PTPRZ1: variants seen among roughly 807,000 people sequenced by gnomAD.
PTPRZ1 encodes protein tyrosine phosphatase receptor type Z1.
A neutral mutation model predicts 214.1 loss-of-function variants in PTPRZ1; 82 were observed. That is an observed-to-expected ratio of 0.38 (90% CI 0.32 to 0.46). The LOEUF (loss-of-function observed/expected upper bound fraction) is 0.46. Ranked by LOEUF, PTPRZ1 falls within the 20% of genes least tolerant of loss-of-function variation. The pLI is 1.00. For missense variants in PTPRZ1, 2,603 were observed against 2,748.7 expected (o/e 0.95, Z 1.19); for synonymous variants, 945 against 987.9 (o/e 0.96, Z 0.81).
chr7:121,874,659 GA>G (rs1316655439), intron 1 of PTPRZ1, among the ~76,000 whole-genome samples: 2 of 152,144 alleles, frequency 1.3e-5, no homozygotes, highest in African/African-American at 4.8e-5. Context: ...TCTAATAAAT[GA>G]AAATTACATT....
At chr7:122,045,361 T>C (rs897148169) in intron 23 of PTPRZ1, among the ~76,000 whole-genome samples, 1 of 151,990 alleles carries the variant, frequency 6.6e-6, no homozygotes, top group Non-Finnish European at 1.5e-5. Context: ...CCCAGGAGAG[T>C]TAACAAATGT....
At chr7:121,930,173 C>G (rs1256389099) in intron 2 of PTPRZ1, among the ~76,000 whole-genome samples, 1 of 152,024 alleles carries the variant, frequency 6.6e-6, no homozygotes, top group East Asian at 1.9e-4. Context: ...AGGCACATCT[C>G]GACTGTGGAG....
intron 1 of PTPRZ1, among the ~76,000 whole-genome samples, chr7:121,901,663 C>T (rs185903945): frequency 2.9e-4 from 44 of 152,114 alleles, no homozygotes; most frequent in African/African-American, 8.4e-4. Flanking sequence ...ATTTCATAAA[C>T]GCCTATCAGA....
chr7:122,004,059 C>T (rs1042713334), intron 10 of PTPRZ1, among the ~76,000 whole-genome samples: 1 of 152,124 alleles, frequency 6.6e-6, no homozygotes, highest in African/African-American at 2.4e-5. Context: ...TTCATTTTAC[C>T]TGGTGCAGCA....
At chr7:121,931,602 G>C (rs7803589) in intron 2 of PTPRZ1, among the ~76,000 whole-genome samples, 342 of 152,178 alleles carry the variant, frequency 2.2e-3, no homozygotes, top group African/African-American at 7.7e-3. Context: ...TATGCATCTT[G>C]GGTGTGCCTC....
At chr7:121,980,999 A>G (rs532798769) in intron 6 of PTPRZ1, among the ~76,000 whole-genome samples, 29 of 152,158 alleles carry the variant, frequency 1.9e-4, no homozygotes, top group Non-Finnish European at 3.5e-4. Flanking sequence ...AAAATTAGCC[A>G]GGCGTGGTGG....
chr7:121,925,317 T>C (rs1795721363), intron 1 of PTPRZ1, among the ~76,000 whole-genome samples: 1 of 152,236 alleles, frequency 6.6e-6, no homozygotes, highest in Admixed American at 6.5e-5. Flanking sequence ...AGTTTAGTCT[T>C]AAATAACTAG....
chr7:122,054,929 G>T lies in PTPRZ1; in HGVS notation c.6382-12G>T. 1 of 1,575,516 alleles carries T rather than the reference G, an allele frequency of 6.3e-7. No individual in the cohort carries two copies. Among genetic ancestry groups the T allele is most frequent in the Non-Finnish European group, 8.6e-7 (1 of 1,164,632 alleles). ...TAAAATCTAGACTCTTCTTTCATTT[G>T]CAATTCTGCAGGCAGAAGATGAATT... On this transcript the variant is annotated splice_polypyrimidine_tract_variant and intron_variant, in intron 26 of 29. Transcript: ENST00000393386.
At chr7:121,957,471 C>T (rs1429129662) in intron 2 of PTPRZ1, among the ~76,000 whole-genome samples, 1 of 152,102 alleles carries the variant, frequency 6.6e-6, no homozygotes, top group African/African-American at 2.4e-5. Context: ...TATGGTCTCC[C>T]ACATCAGGAG....
In PTPRZ1 at chr7:121,925,802, T is replaced by C. The variant is rs149303478; in HGVS notation, c.59-2354T>C. Among the ~76,000 whole-genome samples, 368 of 152,302 alleles carry C rather than the reference T, an allele frequency of 2.4e-3. 2 individuals carry two copies. Among genetic ancestry groups the C allele is most frequent in the African/African-American group, 8.0e-3 (333 of 41,572 alleles). ...AATAAATCTAAATAAATTCATATCT[T>C]TATGACAAGAAGTAGCTTTTACAAC... On this transcript the variant is annotated intron_variant, in intron 1 of 29. Coordinates refer to ENST00000393386, the MANE Select transcript of PTPRZ1 (RefSeq NM_002851.3).
At chr7:121,984,221 T>G in intron 8 of PTPRZ1, 104 bp downstream of exon 8, 1 of 1,006,034 alleles carries the variant, frequency 9.9e-7, no homozygotes, top group Non-Finnish European at 1.4e-6. Context: ...TTTAGAAATG[T>G]TTTAATTATT....
chr7:121,984,910 G>A (rs932731491), intron 8 of PTPRZ1, among the ~76,000 whole-genome samples: 2 of 152,048 alleles, frequency 1.3e-5, no homozygotes, highest in Admixed American at 6.6e-5. Context: ...TAAAGAAGTC[G>A]TTGAAGTGAC....
At position 121,873,204 on chromosome 7, in the gene PTPRZ1, C is replaced by A; in HGVS notation, c.-296C>A. 2.3e-6 allele frequency: 1 copy of A among 427,066 alleles called. No homozygotes were observed. The highest frequency in any genetic ancestry group is 3.5e-5 in the East Asian group (1 of 28,790). The allele number at this position is 427,066 out of a possible 1,614,324, so 26.5% of individuals were successfully genotyped here. The stretch of plus-strand genomic sequence containing the variant: ...CCGGCGAAAGAGGCAAAGTCCCGCA[C>A]GCCGGAGGACATGCGCCTCGGCTAG... On this transcript the variant is annotated 5_prime_UTR_variant, in exon 1 of 30. Transcript: ENST00000393386.
intron 2 of PTPRZ1, among the ~76,000 whole-genome samples, chr7:121,960,504 T>C (rs897785242): frequency 2.0e-5 from 3 of 152,274 alleles, no homozygotes; most frequent in East Asian, 3.9e-4. Flanking sequence ...TAGGAATCTT[T>C]AAAAGAAATC....
At position 122,040,917 on chromosome 7, in the gene PTPRZ1, C is replaced by G; in HGVS notation, c.5739C>G (p.Thr1913=). 2 of 1,603,988 alleles carry G rather than the reference C, an allele frequency of 1.2e-6. No homozygotes were observed. Among genetic ancestry groups the G allele is most frequent in the Admixed American group, 1.7e-5 (1 of 59,702 alleles). The change falls in exon 21 of 30, where the codon ACC becomes ACG. Residue 1913 remains threonine (T), a synonymous_variant. Coordinates refer to ENST00000393386, the MANE Select transcript of PTPRZ1 (RefSeq NM_002851.3). ...CAGAGTACTCCCTGCCAGTGCTGACCTTTGTGAGAAAGGCAGCCTATGCCA... is the reference window on the plus strand; with the variant it reads ...CAGAGTACTCCCTGCCAGTGCTGACGTTTGTGAGAAAGGCAGCCTATGCCA... The part of the protein sequence containing the change: ...GVPEYSLPVL[T]FVRKAAYAKR...
chr7:122,014,753 T>C (rs900318731), intron 12 of PTPRZ1, among the ~76,000 whole-genome samples: 2 of 152,148 alleles, frequency 1.3e-5, no homozygotes, highest in African/African-American at 4.8e-5. Flanking sequence ...GGTATTTATG[T>C]ATTTATTTAT....
chr7:121,919,081 G>A (rs892591383), intron 1 of PTPRZ1, among the ~76,000 whole-genome samples: 1 of 152,096 alleles, frequency 6.6e-6, no homozygotes. Context: ...GATATGAAGA[G>A]TTTTAAGGAT....
At chr7:121,962,270 AAC>A (rs1474683681) in intron 2 of PTPRZ1, among the ~76,000 whole-genome samples, 1 of 151,896 alleles carries the variant, frequency 6.6e-6, no homozygotes, top group Non-Finnish European at 1.5e-5. Context: ...AACATGGTGA[AAC>A]CCTGTTTCTA....
chr7:121,912,533 A>G (rs961559585), intron 1 of PTPRZ1, among the ~76,000 whole-genome samples: 1 of 152,194 alleles, frequency 6.6e-6, no homozygotes, highest in Non-Finnish European at 1.5e-5. Context: ...CCATTTGAAA[A>G]ATGCATGGAA....
Sources: allele counts gnomAD v4.1 joint callset (sites outside exome capture counted in the v4.1 genomes callset), GRCh38; gene constraint gnomAD v4.1.1; transcripts MANE v1.5; gene names NCBI Gene and HGNC (gene_info 2026-07-23, HGNC 2026-07-21).